NOL6: variants seen among roughly 807,000 people sequenced by gnomAD.
The protein encoded by NOL6 is nucleolar protein 6.
A neutral mutation model predicts 131.7 loss-of-function variants in NOL6; 33 were observed. That is an observed-to-expected ratio of 0.25 (90% CI 0.19 to 0.33). The LOEUF is 0.33. Ranked by LOEUF, NOL6 falls within the 10% of genes least tolerant of loss-of-function variation. The pLI is 1.00. For missense variants in NOL6, 1,297 were observed against 1,494.5 expected, an observed-to-expected ratio of 0.87 and a Z score of 2.18; for synonymous variants, 580 against 605.7, an observed-to-expected ratio of 0.96 and a Z score of 0.62.
chr9:33,469,098 G>A lies in NOL6; in HGVS notation c.886C>T (p.Arg296Cys), dbSNP rs115693717. 1.1e-4 allele frequency: 185 copies of A among 1,614,160 alleles called. No homozygotes were observed. In the African/African-American group the frequency reaches 2.0e-3, roughly 17 times the overall value. ...GDGSPEPPTP[R>C]YNTWVLQDTV... The stretch of plus-strand genomic sequence containing the variant: ...TCTTGCAGGACCCATGTGTTATAGC[G>A]GGGGGTAGGAGGCTCTGGGCTACCT... The change falls in exon 7 of 26, where the codon CGC becomes TGC. Residue 296 changes from arginine to cysteine, a missense_variant. Arg to Cys is a radical substitution (Grantham distance 180). Transcript: ENST00000297990.
chr9:33,468,276 T>C (rs770948309), intron 10 of NOL6, 45 bp downstream of exon 10: 11 of 1,610,910 alleles, frequency 6.8e-6, no homozygotes, highest in Admixed American at 5.0e-5. Flanking sequence ...GGACAGAGTC[T>C]GGGCTGAGAC....
intron 3 of NOL6, 23 bp downstream of exon 3, chr9:33,471,981 A>T: frequency 6.4e-7 from 1 of 1,558,908 alleles, no homozygotes; most frequent in Non-Finnish European, 8.8e-7. Context: ...TGGGCTTCCC[A>T]GTTCCCCAGG....
At chr9:33,471,260 T>C (rs1399978982) in intron 3 of NOL6, among the ~76,000 whole-genome samples, 1 of 152,216 alleles carries the variant, frequency 6.6e-6, no homozygotes, top group Non-Finnish European at 1.5e-5. Context: ...CGAGACTTCG[T>C]CTCAAAAACA....
Position 33,465,816 on chromosome 9 carries a change from T to C in NOL6, c.2446A>G (p.Ile816Val). The C allele has an allele frequency of 6.2e-7, 1 of 1,614,094 alleles. No homozygotes were observed. The highest frequency in any genetic ancestry group is 1.6e-4 in the Middle Eastern group (1 of 6,062). Residue 816 changes from isoleucine (I) to valine (V), a missense_variant, in exon 19 of 26, where the codon ATC becomes GTC. Transcript: ENST00000297990. Reference protein sequence around the residue: ...LKEVQSPEGMISLRDTAASLR... With the variant: ...LKEVQSPEGMVSLRDTAASLR... Reference sequence around the variant, plus strand: ...GAGGCAGCTGTGTCCCTCAGCGAGATCATCCCCTCTGGGCTCTGCACCTCC... The same window carrying C: ...GAGGCAGCTGTGTCCCTCAGCGAGACCATCCCCTCTGGGCTCTGCACCTCC...
rs573135557 is a variant in NOL6 at position 33,473,161 on chromosome 9, CTAAA to C, written c.54+624_54+627del. Among the ~76,000 whole-genome samples, 675 of 152,144 alleles carry C rather than the reference CTAAA, an allele frequency of 4.4e-3. 3 individuals are homozygous for C. Among genetic ancestry groups the C allele is most frequent in the Middle Eastern group, 0.017 (5 of 294 alleles). ...GAAGACCTGACTGCCTCAGTTTACA[CTAAA>C]TACTCACTGATGGAAGGAGCTAGAA... On this transcript the variant is annotated intron_variant, in intron 1 of 25. Transcript: ENST00000297990.
At position 33,469,360 on chromosome 9, in the gene NOL6, G is replaced by A; in HGVS notation, c.728-19C>T. The A allele has an allele frequency of 8.1e-6, 13 of 1,613,970 alleles. No homozygotes were observed. Among genetic ancestry groups the A allele is most frequent in the Non-Finnish European group, 1.1e-5 (13 of 1,179,972 alleles). ...TCCTTTCCTGCCAGAGACAGTGAGTGCTGAGACTCTGCAGGAGCCCTTGGA... is the reference window on the plus strand; with the variant it reads ...TCCTTTCCTGCCAGAGACAGTGAGTACTGAGACTCTGCAGGAGCCCTTGGA... On this transcript the variant is annotated intron_variant, in intron 5 of 25. Transcript: ENST00000297990.
In NOL6 at chr9:33,462,920, A is replaced by G. The variant is rs965136811; in HGVS notation, c.3292-107T>C. 7 of 1,547,118 alleles carry G rather than the reference A, an allele frequency of 4.5e-6. No homozygotes were observed. The African/African-American group carries it at 9.6e-5, about 21-fold the overall frequency. On this transcript the variant is annotated intron_variant, in intron 25 of 25. Transcript: ENST00000297990. ...GGTGGGGATAGAAACACAAGCCCAT[A>G]CACTCCGCACCTGACACGGGTTTGC...
chr9:33,472,052 C>T lies in NOL6; in HGVS notation c.330G>A (p.Arg110=). 1 of 1,613,290 alleles carries T rather than the reference C, an allele frequency of 6.2e-7. No homozygotes were observed. The highest frequency in any genetic ancestry group is 8.5e-7 in the Non-Finnish European group (1 of 1,180,024). Reference sequence around the variant, plus strand: ...CCCTCACAACCCGCTGGTTGACCTCCCGTAGGAAGGCATCAATCCGATCCT... The same window carrying T: ...CCCTCACAACCCGCTGGTTGACCTCTCGTAGGAAGGCATCAATCCGATCCT... ...KKKDRIDAFL[R]EVNQRVVRVP... is the part of the protein sequence containing the mutation. The change falls in exon 3 of 26, where the codon CGG becomes CGA. Residue 110 remains arginine, a synonymous_variant. Coordinates refer to ENST00000297990, the MANE Select transcript of NOL6 (RefSeq NM_022917.5).
In NOL6 at chr9:33,467,931, C is replaced by A. The variant is rs1383216305; in HGVS notation, c.1425-63G>T. On this transcript the variant is annotated intron_variant, in intron 11 of 25. Transcript: ENST00000297990. This position sits in a 1 kb window ranked among gnomAD's most constrained non-coding sequence, Gnocchi z 4.4. The stretch of plus-strand genomic sequence containing the variant: ...TTGCTGGCCCCTAGTACCACCTCCT[C>A]CCTGAATGATCTGAGCACCTGTCTG... The A allele has an allele frequency of 1.3e-6, 2 of 1,595,226 alleles. No homozygotes were observed. Among genetic ancestry groups the A allele is most frequent in the East Asian group, 2.2e-5 (1 of 44,658 alleles).
chr9:33,469,045 C>T lies in NOL6; in HGVS notation c.939G>A (p.Leu313=), dbSNP rs78622012. The T allele has an allele frequency of 6.8e-6, 11 of 1,614,170 alleles. No individual in the cohort carries two copies. The East Asian group carries it at 2.5e-4, about 36-fold the overall frequency. ...QDTVLESHLQ[L]LSTILSSAQG... Reference sequence around the variant, plus strand: ...GGGCTGAACTCAGAATGGTTGACAGCAGCTGCAAATGGGACTCGAGAACTG... The same window carrying T: ...GGGCTGAACTCAGAATGGTTGACAGTAGCTGCAAATGGGACTCGAGAACTG... Residue 313 remains leucine (L), a synonymous_variant, in exon 7 of 26, where the codon CTG becomes CTA. Transcript: ENST00000297990.
chr9:33,465,814 G>T lies in NOL6; in HGVS notation c.2448C>A (p.Ile816=). Residue 816 remains isoleucine, a synonymous_variant, in exon 19 of 26, where the codon ATC becomes ATA. Transcript: ENST00000297990. ...GGGAGGCAGCTGTGTCCCTCAGCGAGATCATCCCCTCTGGGCTCTGCACCT... is the reference window on the plus strand; with the variant it reads ...GGGAGGCAGCTGTGTCCCTCAGCGATATCATCCCCTCTGGGCTCTGCACCT... ...LKEVQSPEGM[I]SLRDTAASLR... 6.2e-7 allele frequency: 1 copy of T among 1,614,108 alleles called. No individual in the cohort carries two copies. The highest frequency in any genetic ancestry group is 8.5e-7 in the Non-Finnish European group (1 of 1,179,988).
chr9:33,470,210 G>T lies in NOL6; in HGVS notation c.379-19C>A. ...CAGTGAGCTGTGGGGGCAGAGACAG[G>T]GACACATACTGATTCAACTGCCTTC... On this transcript the variant is annotated intron_variant, in intron 3 of 25. Coordinates refer to ENST00000297990, the MANE Select transcript of NOL6 (RefSeq NM_022917.5). 1 of 1,525,486 alleles carries T rather than the reference G, an allele frequency of 6.6e-7. No homozygotes were observed. The highest frequency in any genetic ancestry group is 8.8e-7 in the Non-Finnish European group (1 of 1,131,150). 94.5% of individuals were successfully genotyped at this position (1,525,486 alleles called of 1,614,324 possible).
At chr9:33,466,852 G>T in intron 15 of NOL6, 60 bp downstream of exon 15, 1 of 1,583,796 alleles carries the variant, frequency 6.3e-7, no homozygotes, top group South Asian at 1.1e-5. Context: ...AGGCTGAGAG[G>T]ACTCTCTCCC....
At position 33,463,103 on chromosome 9, in the gene NOL6, T is replaced by C. The variant is rs976722571; in HGVS notation, c.3221A>G (p.Tyr1074Cys). The C allele has an allele frequency of 6.2e-6, 10 of 1,613,638 alleles. No homozygotes were observed. Among genetic ancestry groups the C allele is most frequent in the African/African-American group, 4.0e-5 (3 of 74,872 alleles). ...AATCACCTCTCCACCATGCTGGTCA[T>C]AGAAGAAAAGGGCCAGATCCCCAAA... is the stretch of plus-strand genomic sequence containing the variant. ...EAFGDLALFFYDQHGGEVIGV... is the reference protein window; with the variant it reads ...EAFGDLALFFCDQHGGEVIGV... The change falls in exon 25 of 26, where the codon TAT becomes TGT. Residue 1074 changes from tyrosine (Y) to cysteine (C), a missense_variant. Tyr to Cys is a radical substitution (Grantham distance 194). Coordinates refer to ENST00000297990, the MANE Select transcript of NOL6 (RefSeq NM_022917.5).
At chr9:33,469,866 CTGCCTTCAGGA>C in intron 4 of NOL6, 135 bp downstream of exon 4, 3 of 1,031,384 alleles carry the variant, frequency 2.9e-6, no homozygotes, top group Middle Eastern at 2.7e-4. Flanking sequence ...GGGATCTAAG[CTGCCTTCAGGA>C]TGCCTGCAAT....
rs763552698 is a variant in NOL6 at position 33,466,397 on chromosome 9, G to T, written c.2120C>A (p.Ala707Asp). 2.5e-6 allele frequency: 4 copies of T among 1,614,238 alleles called. No homozygotes were observed. The highest frequency in any genetic ancestry group is 3.4e-6 in the Non-Finnish European group (4 of 1,180,040). ...CCGCAGAGTCTCATAGAAGGAGAAG[G>T]CTGGACGGACTGGAGTTGGTGGGAA... The part of the protein sequence containing the change: ...EVFPPTPVRP[A>D]FSFYETLRER... Residue 707 changes from alanine (A) to aspartate (D), a missense_variant, in exon 17 of 26, where the codon GCC (alanine) becomes GAC (aspartate). Ala to Asp is a moderately radical substitution (Grantham distance 126). Coordinates refer to ENST00000297990, the MANE Select transcript of NOL6 (RefSeq NM_022917.5).
chr9:33,471,105 T>C (rs1827400399), intron 3 of NOL6, among the ~76,000 whole-genome samples: 1 of 152,004 alleles, frequency 6.6e-6, no homozygotes, highest in South Asian at 2.1e-4. Context: ...AAACCCCCTC[T>C]CTACTAAAAA....
In NOL6 at chr9:33,472,025, C is replaced by A. The variant is rs368397929; in HGVS notation, c.357G>T (p.Val119=). ...LREVNQRVVR[V]PSVPETELTD... ...TTACCTCTGTCTCAGGGACTGAGGG[C>A]ACCCTCACAACCCGCTGGTTGACCT... Residue 119 remains valine (V), a synonymous_variant, in exon 3 of 26, where the codon GTG becomes GTT. Coordinates refer to ENST00000297990, the MANE Select transcript of NOL6 (RefSeq NM_022917.5). 48 of 1,612,158 alleles carry A rather than the reference C, an allele frequency of 3.0e-5. No homozygotes were observed. The highest frequency in any genetic ancestry group is 4.0e-5 in the Non-Finnish European group (47 of 1,179,890).
chr9:33,469,700 C>A (rs1195094097), intron 4 of NOL6, 33 bp from the exon 5 acceptor site: 1 of 1,591,252 alleles, frequency 6.3e-7, no homozygotes, highest in African/African-American at 1.4e-5. Context: ...GAAGGCCAGG[C>A]ACATAAGTGC....
Sources: allele counts gnomAD v4.1 joint callset (sites outside exome capture counted in the v4.1 genomes callset), GRCh38; gene constraint gnomAD v4.1.1; non-coding constraint Gnocchi (gnomAD v3.1); transcripts MANE v1.5; gene names NCBI Gene and HGNC (gene_info 2026-07-23, HGNC 2026-07-21).